UHRF1: variants seen among roughly 807,000 people sequenced by gnomAD.
UHRF1 encodes the protein ubiquitin like with PHD and ring finger domains 1.
UHRF1 carries 9 observed loss-of-function variants against 96.5 expected under a neutral mutation model. That is an observed-to-expected ratio of 0.09 (90% confidence interval 0.06 to 0.16). UHRF1 has a LOEUF of 0.16. UHRF1 is among the 10% of genes least tolerant of loss of function. The probability of loss-of-function intolerance (pLI) is 1.00; values close to 1 mark genes in which losing one functional copy is unlikely to be tolerated. For synonymous variants in UHRF1, 455 were observed against 469.9 expected, an observed-to-expected ratio of 0.97 and a Z score of 0.41; for missense variants, 626 against 1,131.1, an observed-to-expected ratio of 0.55 and a Z score of 6.40.
intron 5 of UHRF1, among the ~76,000 whole-genome samples, chr19:4,934,127 G>GA (rs1212440476): frequency 6.6e-6 from 1 of 151,600 alleles, no homozygotes; most frequent in Non-Finnish European, 1.5e-5. Flanking sequence ...AGGTTCAGGT[G>GA]ATTCTCCTGC....
chr19:4,942,787 G>T (rs754809783), intron 7 of UHRF1, among the ~76,000 whole-genome samples: 1 of 152,092 alleles, frequency 6.6e-6, no homozygotes, highest in Non-Finnish European at 1.5e-5. Flanking sequence ...AAGAAAATTA[G>T]CTGGGCGTGG....
Position 4,947,086 on chromosome 19 carries a change from G to A in UHRF1, c.1411-19G>A, listed in dbSNP as rs1267419577. On this transcript the variant is annotated intron_variant, in intron 10 of 16. Transcript: ENST00000650932. ...TTTGCCTCTGCAGAGGGTTCACCCA[G>A]CCTTCTTGTCTGTTTCAGGACCATG... 3.2e-6 allele frequency: 5 copies of A among 1,578,748 alleles called. No individual in the cohort carries two copies. The highest frequency in any genetic ancestry group is 3.4e-5 in the Admixed American group (2 of 59,542).
At chr19:4,914,343 C>T (rs540960768) in intron 2 of UHRF1, among the ~76,000 whole-genome samples, 6 of 152,210 alleles carry the variant, frequency 3.9e-5, no homozygotes, top group Non-Finnish European at 7.4e-5. Flanking sequence ...ACACAGTTCC[C>T]GGTGGGCACA....
chr19:4,921,909 T>C (rs1334714582), intron 2 of UHRF1, among the ~76,000 whole-genome samples: 1 of 152,244 alleles, frequency 6.6e-6, no homozygotes, highest in Non-Finnish European at 1.5e-5. Context: ...ACTGACCACA[T>C]ACAAGGCAAG....
At position 4,954,631 on chromosome 19, in the gene UHRF1, G is replaced by A. The variant is rs1272596223; in HGVS notation, c.1958-19G>A. 4.3e-6 allele frequency: 7 copies of A among 1,609,672 alleles called. No homozygotes were observed. The highest frequency in any genetic ancestry group is 2.2e-5 in the East Asian group (1 of 44,768). On this transcript the variant is annotated intron_variant, in intron 14 of 16. Coordinates refer to ENST00000650932, the MANE Select transcript of UHRF1 (RefSeq NM_001048201.3). The surrounding 1 kb of genome is among the most constrained non-coding windows in gnomAD (Gnocchi z 5.9). ...CTCGGGCCACGCGCCCCTCCCTCAC[G>A]CGCCCCACCCTCTTCCAGGAGGTGG...
chr19:4,913,770 T>C (rs970301241), intron 2 of UHRF1, among the ~76,000 whole-genome samples: 1 of 151,924 alleles, frequency 6.6e-6, no homozygotes, highest in African/African-American at 2.4e-5. Context: ...AACCGCCTCT[T>C]AGTTCCCTTA....
chr19:4,958,494 T>C (rs2033913337), intron 16 of UHRF1, among the ~76,000 whole-genome samples: 1 of 152,164 alleles, frequency 6.6e-6, no homozygotes, highest in Non-Finnish European at 1.5e-5. Flanking sequence ...GTGGGGACAT[T>C]GGAAACCATC....
intron 11 of UHRF1, among the ~76,000 whole-genome samples, chr19:4,949,462 A>G (rs915235860): frequency 7.2e-6 from 1 of 139,740 alleles, no homozygotes; most frequent in Non-Finnish European, 1.5e-5. Flanking sequence ...ATCTAAAACA[A>G]TTGGCACATA....
chr19:4,923,143 G>T (rs2032755709), intron 2 of UHRF1, among the ~76,000 whole-genome samples: 1 of 152,164 alleles, frequency 6.6e-6, no homozygotes, highest in African/African-American at 2.4e-5. Flanking sequence ...CCCGCCACCA[G>T]TTCTCATTGG....
At chr19:4,925,203 A>G (rs921146539) in intron 2 of UHRF1, among the ~76,000 whole-genome samples, 2 of 152,126 alleles carry the variant, frequency 1.3e-5, no homozygotes, top group African/African-American at 4.8e-5. Flanking sequence ...AGGTATATTC[A>G]TAGTTGTGTA....
intron 1 of UHRF1, chr19:4,909,882 C>A (rs1461110062): frequency 2.1e-5 from 8 of 376,434 alleles, no homozygotes; most frequent in African/African-American, 4.2e-5. Flanking sequence ...GGGGGTCGAG[C>A]GCGCCGGGTG....
rs374695577 is a variant in UHRF1, at chr19:4,947,050, CTTTT to C, written c.1411-45_1411-42del. 2.8e-4 allele frequency: 320 copies of C among 1,152,958 alleles called. 1 individual carries two copies. In the East Asian group the frequency reaches 3.7e-3, roughly 13 times the overall value. The allele number at this position is 1,152,958 out of a possible 1,614,324, so 71.4% of individuals were successfully genotyped here. ...GGGGAGTTTGCTTTCAATGCAGTCT[CTTTT>C]TTTTTTTTTGCCTCTGCAGAGGGTT... is the stretch of plus-strand genomic sequence containing the variant. On this transcript the variant is annotated intron_variant, in intron 10 of 16. Transcript: ENST00000650932.
At chr19:4,905,813 G>A (rs189242895), upstream of UHRF1, among the ~76,000 whole-genome samples, 6 of 152,166 alleles carry the variant, frequency 3.9e-5, no homozygotes, top group East Asian at 1.9e-4. Flanking sequence ...CACTGTGCCC[G>A]GCCAGTGTTA....
rs372657509 is a variant in UHRF1 at position 4,954,484 on chromosome 19, G to A, written c.1953G>A (p.Ser651=). The change falls in exon 14 of 17, where the codon TCG becomes TCA. Residue 651 remains serine, a synonymous_variant. Transcript: ENST00000650932. The surrounding 1 kb of genome is among the most constrained non-coding windows in gnomAD (Gnocchi z 5.9). ...RTGKGKWKRK[S]AGGGPSRAGS... is the part of the protein sequence containing the mutation. The stretch of plus-strand genomic sequence containing the variant: ...GCAAGGGCAAGTGGAAGCGGAAGTC[G>A]GCAGGTGAGAATCTCGTGGGTGTGG... 3.3e-5 allele frequency: 53 copies of A among 1,608,608 alleles called. No homozygotes were observed. The highest frequency in any genetic ancestry group is 4.2e-5 in the Non-Finnish European group (49 of 1,176,006).
chr19:4,956,608 A>G (rs1215903559), intron 15 of UHRF1, 101 bp from the exon 16 acceptor site: 1 of 745,462 alleles, frequency 1.3e-6, no homozygotes, highest in East Asian at 2.7e-5. Context: ...AAGGCTGGGG[A>G]CAGAATTAGA....
intron 11 of UHRF1, among the ~76,000 whole-genome samples, chr19:4,948,979 A>AG (rs1055430859): frequency 2.3e-4 from 34 of 150,300 alleles, no homozygotes; most frequent in Non-Finnish European, 4.2e-4. Flanking sequence ...AAAAAAAAAA[A>AG]AAAAAAAAAG....
intron 11 of UHRF1, among the ~76,000 whole-genome samples, chr19:4,947,421 T>C (rs1362151613): frequency 6.8e-6 from 1 of 147,486 alleles, no homozygotes; most frequent in Non-Finnish European, 1.5e-5. Flanking sequence ...CCCGTATGTG[T>C]GCCACATACC....
At chr19:4,941,082 TTTG>T (rs557208636) in intron 5 of UHRF1, among the ~76,000 whole-genome samples, 6,909 of 113,734 alleles carry the variant, frequency 0.061, 541 homozygotes, top group Admixed American at 0.1. Context: ...GTTTCTGTGT[TTTG>T]TTTTTTTTTT....
At chr19:4,956,383 C>G (rs897239542) in intron 15 of UHRF1, among the ~76,000 whole-genome samples, 8 of 152,194 alleles carry the variant, frequency 5.3e-5, no homozygotes, top group African/African-American at 1.7e-4. Context: ...CTCCTAAAGC[C>G]CTGTCTTGAC....
Sources: allele counts gnomAD v4.1 joint callset (sites outside exome capture counted in the v4.1 genomes callset), GRCh38; gene constraint gnomAD v4.1.1; non-coding constraint Gnocchi (gnomAD v3.1); transcripts MANE v1.5; gene names NCBI Gene and HGNC (gene_info 2026-07-23, HGNC 2026-07-21).